The following SCHIP1 variants were observed in gnomAD, a reference collection of about 807,000 sequenced individuals.
The protein encoded by SCHIP1 is schwannomin-interacting protein 1.
SCHIP1 carries 8 observed loss-of-function variants against 29.7 expected under a neutral mutation model. The observed-to-expected ratio is 0.27, with a 90% CI of 0.16 to 0.49. The LOEUF is 0.49. Ranked by LOEUF, SCHIP1 falls within the 20% of genes least tolerant of loss-of-function variation. The pLI is 0.99. For synonymous variants in SCHIP1, 76 were observed against 94.9 expected (o/e 0.80, Z 1.16); for missense variants, 193 against 294.6 (o/e 0.66, Z 2.52).
chr3:159,736,538 AC>A, the SCHIP1 span, among the ~76,000 whole-genome samples: 1 of 152,040 alleles, frequency 6.6e-6, no homozygotes, highest in African/African-American at 2.4e-5. Flanking sequence ...CATTCATGAA[AC>A]CACCAAGCTG....
chr3:159,764,724 C>T, the SCHIP1 span: 116 of 1,574,300 alleles, frequency 7.4e-5, no homozygotes, highest in African/African-American at 1.4e-5. This position sits in a 1 kb window ranked among gnomAD's most constrained non-coding sequence, Gnocchi z 6.1. Flanking sequence ...ACCGGGATGA[C>T]CGCTCTCCGG....
the SCHIP1 span, among the ~76,000 whole-genome samples, chr3:159,621,199 C>T: frequency 6.6e-6 from 1 of 152,252 alleles, no homozygotes; most frequent in South Asian, 2.1e-4. Flanking sequence ...ATGCAGAAAG[C>T]TGGGAAGAAT....
intron 1 of SCHIP1, among the ~76,000 whole-genome samples, chr3:159,850,520 C>T (rs1712451063): frequency 7.0e-6 from 1 of 142,772 alleles, no homozygotes; most frequent in Non-Finnish European, 1.5e-5. Flanking sequence ...TGCCACTGCA[C>T]TCCAGGCTGG....
the SCHIP1 span, among the ~76,000 whole-genome samples, chr3:159,750,288 TATATATATACACAC>T: frequency 1.7e-5 from 2 of 120,076 alleles, no homozygotes; most frequent in South Asian, 2.6e-4. Flanking sequence ...TATATATATA[TATATATATACACAC>T]ACACACACAC....
At chr3:159,621,286 T>A in the SCHIP1 span, among the ~76,000 whole-genome samples, 1 of 152,218 alleles carries the variant, frequency 6.6e-6, no homozygotes. Flanking sequence ...ATATGCCAAG[T>A]ATACTGTAAG....
chr3:159,454,364 C>G, the SCHIP1 span, among the ~76,000 whole-genome samples: 1 of 152,152 alleles, frequency 6.6e-6, no homozygotes, highest in Non-Finnish European at 1.5e-5. Context: ...CAACCCACCT[C>G]TCACCTGCAT....
At chr3:159,384,721 TG>T in the SCHIP1 span, among the ~76,000 whole-genome samples, 1 of 151,866 alleles carries the variant, frequency 6.6e-6, no homozygotes, top group Non-Finnish European at 1.5e-5. Flanking sequence ...AGAATTCGGC[TG>T]TGAATCCATC....
the SCHIP1 span, among the ~76,000 whole-genome samples, chr3:159,487,099 T>G: frequency 2.1e-5 from 3 of 140,484 alleles, no homozygotes; most frequent in East Asian, 6.4e-4. Flanking sequence ...AAGATGGCTT[T>G]GCACTAAGAT....
chr3:159,582,787 T>TAC, the SCHIP1 span, among the ~76,000 whole-genome samples: 12,871 of 143,790 alleles, frequency 0.09, 580 homozygotes, highest in Admixed American at 0.12. Flanking sequence ...AATATATATA[T>TAC]ACACACACAC....
chr3:159,725,034 G>C, the SCHIP1 span, among the ~76,000 whole-genome samples: 1 of 152,180 alleles, frequency 6.6e-6, no homozygotes, highest in African/African-American at 2.4e-5. Context: ...CATCAGGACA[G>C]TATAAGCTAC....
chr3:159,596,194 A>G, the SCHIP1 span, among the ~76,000 whole-genome samples: 1 of 152,252 alleles, frequency 6.6e-6, no homozygotes, highest in African/African-American at 2.4e-5. Flanking sequence ...AGACACATGG[A>G]AAAATGCTCA....
At chr3:159,548,720 T>C in the SCHIP1 span, among the ~76,000 whole-genome samples, 2 of 152,224 alleles carry the variant, frequency 1.3e-5, no homozygotes, top group Admixed American at 1.3e-4. Context: ...TTTTTTTTAG[T>C]TCTGGAAGTC....
the SCHIP1 span, among the ~76,000 whole-genome samples, chr3:159,666,689 A>G: frequency 6.6e-6 from 1 of 152,242 alleles, no homozygotes; most frequent in Non-Finnish European, 1.5e-5. Flanking sequence ...CCATAATTAC[A>G]TAATTCATAG....
the SCHIP1 span, among the ~76,000 whole-genome samples, chr3:159,657,934 A>AGGC: frequency 6.6e-6 from 1 of 152,232 alleles, no homozygotes; most frequent in Non-Finnish European, 1.5e-5. Flanking sequence ...GTCCCACCAA[A>AGGC]GGCGTTTTTG....
At chr3:159,749,172 A>G in the SCHIP1 span, among the ~76,000 whole-genome samples, 1 of 151,788 alleles carries the variant, frequency 6.6e-6, no homozygotes, top group Non-Finnish European at 1.5e-5. Context: ...TTACTGGGGG[A>G]GAGGAAATGT....
chr3:159,718,874 A>G, the SCHIP1 span, among the ~76,000 whole-genome samples: 1 of 152,226 alleles, frequency 6.6e-6, no homozygotes, highest in Non-Finnish European at 1.5e-5. Context: ...CAGAATTGGA[A>G]AAAACTACTT....
chr3:159,892,435 C>T (rs1039539254), intron 6 of SCHIP1: 83 of 594,018 alleles, frequency 1.4e-4, no homozygotes, highest in Non-Finnish European at 1.9e-4. Context: ...CTCACATCTC[C>T]GCCTAAATCA....
At chr3:159,396,680 T>C in the SCHIP1 span, among the ~76,000 whole-genome samples, 15 of 152,352 alleles carry the variant, frequency 9.8e-5, no homozygotes, top group South Asian at 4.1e-4. Flanking sequence ...GAGTTTCTGC[T>C]GAGAGATCCG....
At chr3:159,431,237 G>A in the SCHIP1 span, among the ~76,000 whole-genome samples, 3 of 152,100 alleles carry the variant, frequency 2.0e-5, no homozygotes, top group East Asian at 3.9e-4. Context: ...CTTAAAGGTC[G>A]AGGGAGAATC....
Sources: allele counts gnomAD v4.1 joint callset (sites outside exome capture counted in the v4.1 genomes callset), GRCh38; gene constraint gnomAD v4.1.1; non-coding constraint Gnocchi (gnomAD v3.1); transcripts MANE v1.5; gene names NCBI Gene and HGNC (gene_info 2026-07-23, HGNC 2026-07-21).